The following SLC30A10 variants were observed in gnomAD, a reference collection of about 807,000 sequenced individuals.
SLC30A10 encodes the protein solute carrier family 30 member 10, also known as calcium/manganese antiporter SLC30A10.
A neutral mutation model predicts 21.7 loss-of-function variants in SLC30A10; 8 were observed. That is an observed-to-expected ratio of 0.37 (90% CI 0.22 to 0.67). The LOEUF is 0.67. Ranked by LOEUF, SLC30A10 falls within the 30% of genes least tolerant of loss-of-function variation. The pLI, the probability that SLC30A10 is intolerant of heterozygous loss-of-function variation, is 0.58. For missense variants in SLC30A10, 521 were observed against 642.5 expected, an observed-to-expected ratio of 0.81 and a Z score of 2.04; for synonymous variants, 272 against 279.4, an observed-to-expected ratio of 0.97 and a Z score of 0.26.
upstream of SLC30A10, among the ~76,000 whole-genome samples, chr1:219,933,475 G>A (rs896602459): frequency 6.6e-6 from 1 of 152,208 alleles, no homozygotes; most frequent in Non-Finnish European, 1.5e-5. Context: ...TCTGGGCTGT[G>A]CTTCTCACTT....
chr1:219,911,447 GT>G lies in SLC30A10; in HGVS notation c.*4001del, dbSNP rs1395085201. Among the ~76,000 whole-genome samples, 4 of 151,908 alleles carry G rather than the reference GT, an allele frequency of 2.6e-5. No individual in the cohort carries two copies. Among genetic ancestry groups the G allele is most frequent in the African/African-American group, 9.7e-5 (4 of 41,364 alleles). Reference sequence around the variant, plus strand: ...AACATCTCAACCCCATGAATCAATTGTGCTGATAACTATCCAGTCTCATTGG... The same window carrying G: ...AACATCTCAACCCCATGAATCAATTGGCTGATAACTATCCAGTCTCATTGG... On this transcript the variant is annotated 3_prime_UTR_variant, in exon 4 of 4. Coordinates refer to ENST00000366926, the MANE Select transcript of SLC30A10 (RefSeq NM_018713.3).
chr1:219,937,284 T>G (rs60064637), intron 1 of SLC30A10, among the ~76,000 whole-genome samples: 1 of 152,224 alleles, frequency 6.6e-6, no homozygotes, highest in Non-Finnish European at 1.5e-5. Flanking sequence ...TCTTTATTTT[T>G]GATATTTAGC....
At chr1:219,951,857 T>TC (rs992892845) in intron 1 of SLC30A10, among the ~76,000 whole-genome samples, 1 of 152,122 alleles carries the variant, frequency 6.6e-6, no homozygotes, top group African/African-American at 2.4e-5. Flanking sequence ...TGTCTTGGCC[T>TC]CCCAAAGTGC....
At chr1:219,926,868 C>A (rs766307250) in intron 2 of SLC30A10, among the ~76,000 whole-genome samples, 160 bp downstream of exon 2, 18 of 152,104 alleles carry the variant, frequency 1.2e-4, no homozygotes, top group Non-Finnish European at 2.1e-4. Context: ...CCCTCAGGAT[C>A]AATGCAGTGA....
At position 219,914,381 on chromosome 1, in the gene SLC30A10, A is replaced by C. The variant is rs985982637; in HGVS notation, c.*1068T>G. 1 of 152,238 alleles carries C rather than the reference A, an allele frequency of 6.6e-6. No individual in the cohort carries two copies. Among genetic ancestry groups the C allele is most frequent in the Non-Finnish European group, 1.5e-5 (1 of 68,038 alleles). The allele number at this position is 152,238 out of a possible 1,614,324, so 9.4% of individuals were successfully genotyped here. ...AAAAACACATTAAAGGCAGCAATTA[A>C]GCTAATTCTCATTTCTCCCTTGGGC... On this transcript the variant is annotated 3_prime_UTR_variant, in exon 4 of 4. Transcript: ENST00000366926.
intron 1 of SLC30A10, among the ~76,000 whole-genome samples, chr1:219,938,575 T>C (rs1057084984): frequency 3.3e-5 from 5 of 152,216 alleles, no homozygotes; most frequent in African/African-American, 1.2e-4. Flanking sequence ...TGAGGAAGTT[T>C]AATTCTGGGG....
At chr1:219,952,070 G>A (rs1660280047) in intron 1 of SLC30A10, among the ~76,000 whole-genome samples, 1 of 152,056 alleles carries the variant, frequency 6.6e-6, no homozygotes, top group South Asian at 2.1e-4. Flanking sequence ...CAAGGATAAG[G>A]TGGCCTGCCA....
chr1:219,955,436 A>C (rs1660335444), intron 1 of SLC30A10, among the ~76,000 whole-genome samples: 1 of 152,122 alleles, frequency 6.6e-6, no homozygotes, highest in African/African-American at 2.4e-5. Flanking sequence ...ATCTCAGCTA[A>C]ATCTTCCAGA....
chr1:219,946,553 C>G (rs551139308), intron 1 of SLC30A10, among the ~76,000 whole-genome samples: 1 of 152,270 alleles, frequency 6.6e-6, no homozygotes, highest in Non-Finnish European at 1.5e-5. Context: ...ATTCCCTCCC[C>G]AGTCCCCATG....
intron 2 of SLC30A10, among the ~76,000 whole-genome samples, chr1:219,920,443 A>C (rs1354867281): frequency 4.6e-5 from 7 of 152,104 alleles, no homozygotes; most frequent in Non-Finnish European, 1.0e-4. Flanking sequence ...TTATTCTCTG[A>C]TTGTCTCATA....
At chr1:219,948,224 C>T (rs202012967) in intron 1 of SLC30A10, among the ~76,000 whole-genome samples, 18,347 of 149,796 alleles carry the variant, frequency 0.12, 1,223 homozygotes, top group East Asian at 0.28. Context: ...CCCCATCAAG[C>T]TACCAATGAC....
chr1:219,923,597 C>A (rs1366484710), intron 2 of SLC30A10, among the ~76,000 whole-genome samples: 4 of 152,158 alleles, frequency 2.6e-5, no homozygotes, highest in Non-Finnish European at 4.4e-5. Flanking sequence ...CTATTTACAC[C>A]AAACTTTAAA....
At chr1:219,917,237 C>G (rs997675765) in intron 3 of SLC30A10, among the ~76,000 whole-genome samples, 3 of 152,060 alleles carry the variant, frequency 2.0e-5, no homozygotes, top group African/African-American at 4.8e-5. Context: ...GCAATCCTTC[C>G]ACTTCAGCCT....
Position 219,912,384 on chromosome 1 carries a change from AACAG to A in SLC30A10, c.*3061_*3064del, listed in dbSNP as rs1368219283. ...AACAATGTTGAGAGTCAGAAAATGA[AACAG>A]ACAGTATTTCCTATGGCCAATGCTA... On this transcript the variant is annotated 3_prime_UTR_variant, in exon 4 of 4. Transcript: ENST00000366926. Among the ~76,000 whole-genome samples, 4 of 152,140 alleles carry A rather than the reference AACAG, an allele frequency of 2.6e-5. No homozygotes were observed. Among genetic ancestry groups the A allele is most frequent in the Non-Finnish European group, 5.9e-5 (4 of 68,036 alleles).
rs1475436292 is a variant in SLC30A10, at chr1:219,927,682, A to AC, written c.640+118_640+119insG. 33,531 of 449,516 alleles carry AC rather than the reference A, an allele frequency of 0.075. 2,188 individuals carry two copies. Among genetic ancestry groups the AC allele is most frequent in the East Asian group, 0.11 (1,831 of 16,400 alleles). 27.8% of individuals were successfully genotyped at this position (449,516 alleles called of 1,614,324 possible). On this transcript the variant is annotated intron_variant, in intron 1 of 3. Coordinates refer to ENST00000366926, the MANE Select transcript of SLC30A10 (RefSeq NM_018713.3). ...AAAAAAAAAAAACAACAACAACAAAAAAAAAAAAACAGAAAAAAAGCATGC... is the reference window on the plus strand; with the variant it reads ...AAAAAAAAAAAACAACAACAACAAAACAAAAAAAAACAGAAAAAAAGCATGC...
chr1:219,952,086 T>C (rs541434411), intron 1 of SLC30A10, among the ~76,000 whole-genome samples: 15 of 152,226 alleles, frequency 9.9e-5, no homozygotes, highest in African/African-American at 3.6e-4. Context: ...TGCCAGTTTG[T>C]GGATGTGAAA....
At chr1:219,948,737 G>T (rs1660224916) in intron 1 of SLC30A10, among the ~76,000 whole-genome samples, 1 of 152,052 alleles carries the variant, frequency 6.6e-6, no homozygotes, top group Non-Finnish European at 1.5e-5. Context: ...AAAAGCAATG[G>T]CAACAAAAGC....
Position 219,928,036 on chromosome 1 carries a change from C to T in SLC30A10, c.405G>A (p.Gln135=), listed in dbSNP as rs559175827. The T allele has an allele frequency of 5.0e-5, 80 of 1,584,940 alleles. 1 individual carries two copies. In the South Asian group the frequency reaches 9.0e-4, roughly 18 times the overall value. The part of the protein sequence containing the change: ...LVNVVGLLIF[Q]DCAAWFACCL... ...AGCACGCGAACCAGGCGGCGCAGTC[C>T]TGGAAGATGAGCAGCCCCACCACGT... The change falls in exon 1 of 4, where the codon CAG becomes CAA. Residue 135 remains glutamine, a synonymous_variant. Coordinates refer to ENST00000366926, the MANE Select transcript of SLC30A10 (RefSeq NM_018713.3). The surrounding 1 kb of genome is among the most constrained non-coding windows in gnomAD (Gnocchi z 6.3).
chr1:219,943,380 C>A (rs1217512132), intron 1 of SLC30A10, among the ~76,000 whole-genome samples: 1 of 152,166 alleles, frequency 6.6e-6, no homozygotes, highest in African/African-American at 2.4e-5. Flanking sequence ...TAATGAAGCA[C>A]CCCCTATCTC....
Sources: gnomAD v4.1 joint callset for allele counts (sites outside exome capture counted in the v4.1 genomes callset) on GRCh38, gnomAD v4.1.1 for gene constraint, Gnocchi (gnomAD v3.1) non-coding constraint, MANE v1.5 for transcripts, NCBI Gene and HGNC (gene_info 2026-07-23, HGNC 2026-07-21) for gene names.